CNTNAP2: variants seen among roughly 807,000 people sequenced by gnomAD.
The protein encoded by CNTNAP2 is contactin associated protein 2.
Under a neutral mutation model 155.2 loss-of-function variants are expected in CNTNAP2, and 98 were observed. The ratio of observed to expected loss-of-function variants is 0.63; its 90% CI spans 0.54 to 0.75. The LOEUF (loss-of-function observed/expected upper bound fraction) is 0.75, where lower values mean the gene tolerates loss of function less well. Among genes scored for constraint, CNTNAP2 ranks in the 30% least tolerant of loss-of-function variants. CNTNAP2 has a pLI of 0.00. For missense variants in CNTNAP2, 1,727 were observed against 1,688.1 expected, an observed-to-expected ratio of 1.02 and a Z score of -0.40; for synonymous variants, 651 against 631.2, an observed-to-expected ratio of 1.03 and a Z score of -0.47.
At chr7:147,233,225 G>T (rs1803723930) in intron 8 of CNTNAP2, among the ~76,000 whole-genome samples, 1 of 152,036 alleles carries the variant, frequency 6.6e-6, no homozygotes, top group Non-Finnish European at 1.5e-5. Context: ...GTTTTAGCAG[G>T]GTTAACAAAC....
intron 20 of CNTNAP2, among the ~76,000 whole-genome samples, chr7:148,250,105 A>G (rs1345862692): frequency 6.6e-6 from 1 of 152,244 alleles, no homozygotes; most frequent in Non-Finnish European, 1.5e-5. Context: ...CACTGGCTTC[A>G]TGCCGGGAAT....
intron 3 of CNTNAP2, among the ~76,000 whole-genome samples, chr7:146,851,202 C>T (rs911325192): frequency 6.6e-6 from 1 of 152,036 alleles, no homozygotes. Flanking sequence ...CTAGGCTGGT[C>T]TCGAACTCCT....
intron 15 of CNTNAP2, among the ~76,000 whole-genome samples, chr7:148,053,054 CA>C (rs1488040771): frequency 6.6e-6 from 1 of 152,030 alleles, no homozygotes; most frequent in Non-Finnish European, 1.5e-5. Flanking sequence ...CTCAAAAAAA[CA>C]AGAAACATCA....
chr7:146,722,443 G>A (rs753953830), intron 1 of CNTNAP2, among the ~76,000 whole-genome samples: 10 of 152,018 alleles, frequency 6.6e-5, no homozygotes, highest in Non-Finnish European at 1.2e-4. Context: ...CATTTAATTC[G>A]ATGAGTAATT....
chr7:146,268,875 T>G (rs1010017159), intron 1 of CNTNAP2, among the ~76,000 whole-genome samples: 4 of 152,180 alleles, frequency 2.6e-5, no homozygotes, highest in Non-Finnish European at 4.4e-5. Context: ...TACACCTGTG[T>G]TTTGAGGGTG....
chr7:148,389,781 T>G (rs1337059953), intron 22 of CNTNAP2: 3 of 152,184 alleles, frequency 2.0e-5, no homozygotes, highest in Non-Finnish European at 2.9e-5. Context: ...GGTGCTTCTC[T>G]GCAATTGCCT....
chr7:146,527,810 T>C (rs1423271164), intron 1 of CNTNAP2, among the ~76,000 whole-genome samples: 1 of 150,180 alleles, frequency 6.7e-6, no homozygotes, highest in Non-Finnish European at 1.5e-5. Context: ...TTATTTTAAA[T>C]GTTATCAAAT....
At position 147,485,959 on chromosome 7, in the gene CNTNAP2, T is replaced by G; in HGVS notation, c.1695T>G (p.His565Gln). The change falls in exon 11 of 24, where the codon CAT becomes CAG. Residue 565 changes from histidine to glutamine, a missense_variant. Coordinates refer to ENST00000361727, the MANE Select transcript of CNTNAP2 (RefSeq NM_014141.6). Reference sequence around the variant, plus strand: ...GATGTGTGCCCAATCACTGTGAGCATGGTGGAAAGTGCTCGCAAACATGGG... The same window carrying G: ...GATGTGTGCCCAATCACTGTGAGCAGGGTGGAAAGTGCTCGCAAACATGGG... ...IDRCVPNHCEHGGKCSQTWDS... is the reference protein window; with the variant it reads ...IDRCVPNHCEQGGKCSQTWDS... 6.2e-7 allele frequency: 1 copy of G among 1,614,068 alleles called. No individual in the cohort carries two copies. Among genetic ancestry groups the G allele is most frequent in the Non-Finnish European group, 8.5e-7 (1 of 1,179,960 alleles).
At chr7:147,493,452 C>T (rs551108042) in intron 11 of CNTNAP2, among the ~76,000 whole-genome samples, 32 of 152,232 alleles carry the variant, frequency 2.1e-4, no homozygotes, top group Non-Finnish European at 4.3e-4. Context: ...TGGGATCCAA[C>T]TGCAGGACCA....
chr7:147,938,830 CATG>C (rs903912294), intron 14 of CNTNAP2, among the ~76,000 whole-genome samples: 6 of 152,244 alleles, frequency 3.9e-5, no homozygotes, highest in East Asian at 1.9e-4. Context: ...TAAAAAGAGA[CATG>C]AGAGTGTTGA....
At chr7:146,621,163 A>C (rs1799310535) in intron 1 of CNTNAP2, among the ~76,000 whole-genome samples, 1 of 152,212 alleles carries the variant, frequency 6.6e-6, no homozygotes, top group South Asian at 2.1e-4. Flanking sequence ...ATATGCTAAC[A>C]TAAGGTCTTG....
intron 10 of CNTNAP2, among the ~76,000 whole-genome samples, chr7:147,455,266 T>C (rs1252652909): frequency 6.6e-6 from 1 of 152,162 alleles, no homozygotes; most frequent in African/African-American, 2.4e-5. Flanking sequence ...GAATTAGTGA[T>C]ATACAACAGT....
intron 13 of CNTNAP2, among the ~76,000 whole-genome samples, chr7:147,655,475 C>T (rs1267661321): frequency 1.3e-5 from 2 of 152,096 alleles, no homozygotes; most frequent in Non-Finnish European, 2.9e-5. Flanking sequence ...TGTCCATGGG[C>T]AATAGAATTC....
intron 6 of CNTNAP2, among the ~76,000 whole-genome samples, chr7:147,125,153 T>C (rs1226236268): frequency 2.0e-4 from 30 of 152,052 alleles, no homozygotes; most frequent in Admixed American, 2.0e-3. Flanking sequence ...GTGCTGGGAT[T>C]ACAGGTGTAA....
At chr7:147,152,081 A>G (rs1028972933) in intron 8 of CNTNAP2, among the ~76,000 whole-genome samples, 2 of 152,158 alleles carry the variant, frequency 1.3e-5, no homozygotes, top group Admixed American at 6.5e-5. Context: ...TGAATTTGAT[A>G]ATTACAGCAA....
chr7:146,377,280 T>G (rs1795316940), intron 1 of CNTNAP2, among the ~76,000 whole-genome samples: 1 of 152,112 alleles, frequency 6.6e-6, no homozygotes, highest in African/African-American at 2.4e-5. Flanking sequence ...CTATAAAAGT[T>G]TTTCCATCTT....
intron 2 of CNTNAP2, among the ~76,000 whole-genome samples, chr7:146,793,622 G>A (rs369839801): frequency 8.5e-5 from 13 of 152,212 alleles, no homozygotes; most frequent in African/African-American, 2.4e-4. Flanking sequence ...GCAAGAATGC[G>A]ATAGCTGTTC....
intron 9 of CNTNAP2, chr7:147,378,135 A>G: frequency 3.0e-6 from 1 of 334,912 alleles, no homozygotes; most frequent in Non-Finnish European, 6.0e-6. Flanking sequence ...TTTATACTGT[A>G]TATTGTAGAA....
chr7:147,501,657 T>A (rs1484746931), intron 11 of CNTNAP2, among the ~76,000 whole-genome samples: 2 of 152,350 alleles, frequency 1.3e-5, no homozygotes, highest in African/African-American at 4.8e-5. Context: ...TGCCCAACTA[T>A]AGGGTAATGT....
Sources: allele counts gnomAD v4.1 joint callset (sites outside exome capture counted in the v4.1 genomes callset), GRCh38; gene constraint gnomAD v4.1.1; transcripts MANE v1.5; gene names NCBI Gene and HGNC (gene_info 2026-07-23, HGNC 2026-07-21).